Variants in EYS observed in about 807,000 individuals in gnomAD.
EYS encodes the protein EGF-like photoreceptor maintenance factor.
EYS carries 250 observed loss-of-function variants against 282.1 expected under a neutral mutation model. The ratio of observed to expected loss-of-function variants is 0.89; its 90% CI spans 0.80 to 0.98. The LOEUF is 0.98. Among genes scored for constraint, EYS ranks in the 50% least tolerant of loss-of-function variants. The pLI is 0.00. For synonymous variants in EYS, 1,355 were observed against 1,282.9 expected (o/e 1.06, Z -1.20); for missense variants, 4,016 against 3,709.0 (o/e 1.08, Z -2.15).
chr6:65,072,012 C>T (rs1038060619), intron 12 of EYS, among the ~76,000 whole-genome samples: 2 of 151,768 alleles, frequency 1.3e-5, no homozygotes, highest in African/African-American at 4.8e-5. Flanking sequence ...ATAAATTTCT[C>T]TTCTTTATAA....
intron 2 of EYS, among the ~76,000 whole-genome samples, chr6:65,524,939 C>A (rs1767500825): frequency 6.6e-6 from 1 of 152,158 alleles, no homozygotes; most frequent in African/African-American, 2.4e-5. Context: ...TTGCTGCTGG[C>A]AAATTGAGCA....
intron 26 of EYS, among the ~76,000 whole-genome samples, chr6:64,518,063 A>G (rs1020251801): frequency 6.6e-6 from 1 of 151,834 alleles, no homozygotes; most frequent in African/African-American, 2.4e-5. Flanking sequence ...CCTCATTTCA[A>G]ACGTTTACAT....
intron 2 of EYS, among the ~76,000 whole-genome samples, chr6:65,528,393 T>C (rs1050022496): frequency 1.3e-5 from 2 of 152,226 alleles, no homozygotes; most frequent in African/African-American, 4.8e-5. Flanking sequence ...GGATCTATGA[T>C]GGATGTTATC....
At chr6:65,408,861 G>A (rs1766862551) in intron 5 of EYS, among the ~76,000 whole-genome samples, 1 of 151,972 alleles carries the variant, frequency 6.6e-6, no homozygotes, top group African/African-American at 2.4e-5. Context: ...ACTGTTATAA[G>A]TACTTAAGCA....
chr6:65,031,632 T>C (rs1772608557), intron 13 of EYS, among the ~76,000 whole-genome samples: 1 of 152,284 alleles, frequency 6.6e-6, no homozygotes, highest in African/African-American at 2.4e-5. Context: ...GAGTGATTTT[T>C]TGAGTAAACA....
intron 2 of EYS, among the ~76,000 whole-genome samples, chr6:65,590,909 G>C (rs1287734448): frequency 2.0e-5 from 3 of 151,264 alleles, no homozygotes; most frequent in Admixed American, 6.6e-5. Flanking sequence ...CCATAACTTG[G>C]CTATTGTGAA....
intron 28 of EYS, among the ~76,000 whole-genome samples, chr6:64,402,140 C>A (rs900700746): frequency 2.6e-5 from 4 of 152,106 alleles, no homozygotes; most frequent in Non-Finnish European, 5.9e-5. Context: ...AAGACTTTAT[C>A]TAAGATCCAC....
At chr6:64,570,956 C>T (rs1390909672) in intron 26 of EYS, among the ~76,000 whole-genome samples, 4 of 152,130 alleles carry the variant, frequency 2.6e-5, no homozygotes, top group East Asian at 3.9e-4. Context: ...GAACTCTCCA[C>T]CCCAGATCAA....
chr6:64,406,679 A>T (rs1339079702), intron 28 of EYS, among the ~76,000 whole-genome samples: 4 of 152,224 alleles, frequency 2.6e-5, no homozygotes, highest in African/African-American at 7.2e-5. Context: ...AAAAAAAGAC[A>T]TTTATGCAGC....
At chr6:64,386,930 C>T (rs1322019348) in intron 29 of EYS, among the ~76,000 whole-genome samples, 1 of 152,068 alleles carries the variant, frequency 6.6e-6, no homozygotes, top group Non-Finnish European at 1.5e-5. Flanking sequence ...ACAATTCCTA[C>T]TCAAACTTTT....
chr6:63,729,136 TATG>T (rs1476121007), intron 41 of EYS, among the ~76,000 whole-genome samples: 1 of 152,188 alleles, frequency 6.6e-6, no homozygotes, highest in Non-Finnish European at 1.5e-5. Context: ...TAGTGAGGTT[TATG>T]TTTAGATATT....
In EYS at chr6:64,777,634, A is replaced by G. The variant is rs146302571; in HGVS notation, c.3443+35744T>C. Among the ~76,000 whole-genome samples, 1,519 of 152,290 alleles carry G rather than the reference A, an allele frequency of 1.0e-2. 11 individuals are homozygous for G. The highest frequency in any genetic ancestry group is 0.031 in the Middle Eastern group (9 of 294). ...TACTTCTAAATAAAAGCTTTGCCAC[A>G]AAGGTTGCAAGTAATGAACACTATA... On this transcript the variant is annotated intron_variant, in intron 22 of 42. Coordinates refer to ENST00000503581, the MANE Select transcript of EYS (RefSeq NM_001142800.2).
chr6:65,439,461 T>G (rs1413203246), intron 5 of EYS, among the ~76,000 whole-genome samples: 1 of 152,158 alleles, frequency 6.6e-6, no homozygotes, highest in Non-Finnish European at 1.5e-5. Context: ...TTTCATGATA[T>G]TGATTCGTCC....
At chr6:65,446,513 C>A (rs1768663414) in intron 5 of EYS, among the ~76,000 whole-genome samples, 1 of 151,786 alleles carries the variant, frequency 6.6e-6, no homozygotes, top group Non-Finnish European at 1.5e-5. Context: ...CAGAATTAAA[C>A]TCAAGATAAT....
At chr6:64,276,939 C>A (rs1269891909) in intron 30 of EYS, among the ~76,000 whole-genome samples, 4 of 151,966 alleles carry the variant, frequency 2.6e-5, no homozygotes, top group Non-Finnish European at 5.9e-5. Context: ...ATAAATCAAG[C>A]CAAAAAATTT....
intron 22 of EYS, among the ~76,000 whole-genome samples, chr6:64,724,077 T>G (rs985914): frequency 0.68 from 103,046 of 151,920 alleles, 37,170 homozygotes; most frequent in Non-Finnish European, 0.81. Flanking sequence ...TGTTTTTTTT[T>G]TTGTTGTTTT....
chr6:64,082,912 C>CTTTT (rs34941425), intron 31 of EYS, among the ~76,000 whole-genome samples: 1 of 142,512 alleles, frequency 7.0e-6, no homozygotes, highest in African/African-American at 2.6e-5. Flanking sequence ...AATGCAACTT[C>CTTTT]TTTTTTTTTT....
At chr6:64,832,360 C>T (rs898169294) in intron 19 of EYS, among the ~76,000 whole-genome samples, 11 of 151,806 alleles carry the variant, frequency 7.2e-5, no homozygotes, top group Non-Finnish European at 1.6e-4. Context: ...AAAATAAACA[C>T]TGCATGATTC....
rs202018743 is a variant in EYS at position 65,256,274 on chromosome 6, C to T, written c.2023+39589G>A. On this transcript the variant is annotated intron_variant, in intron 12 of 42. Coordinates refer to ENST00000503581, the MANE Select transcript of EYS (RefSeq NM_001142800.2). ...GAAAGACAAACTTCTTTTTTTTTTTCTTTTTTTTTTTTAATTAAAGTTTTA... is the reference window on the plus strand; with the variant it reads ...GAAAGACAAACTTCTTTTTTTTTTTTTTTTTTTTTTTTAATTAAAGTTTTA... 3.3e-3 allele frequency among the ~76,000 whole-genome samples: 415 copies of T among 125,572 alleles called. 4 individuals carry two copies. The highest frequency in any genetic ancestry group is 0.012 in the Middle Eastern group (3 of 248). The allele number at this position is 125,572 out of a possible 152,430, so 82.4% of individuals were successfully genotyped here.
Sources: allele counts gnomAD v4.1 joint callset (sites outside exome capture counted in the v4.1 genomes callset), GRCh38; gene constraint gnomAD v4.1.1; transcripts MANE v1.5; gene names NCBI Gene and HGNC (gene_info 2026-07-23, HGNC 2026-07-21).